The following TMPRSS11A variants were observed in gnomAD, a reference collection of about 807,000 sequenced individuals.
TMPRSS11A encodes transmembrane serine protease 11A.
TMPRSS11A carries 53 observed loss-of-function variants against 58.9 expected under a neutral mutation model. The observed-to-expected ratio is 0.90, with a 90% CI of 0.72 to 1.13. The LOEUF is 1.13. TMPRSS11A is among the 50% of genes most tolerant of loss of function. The pLI is 0.00. For missense variants in TMPRSS11A, 493 were observed against 499.3 expected (o/e 0.99, Z 0.12); for synonymous variants, 167 against 169.8 (o/e 0.98, Z 0.13).
At chr4:67,940,957 T>A (rs1301969065) in intron 3 of TMPRSS11A, among the ~76,000 whole-genome samples, 6 of 152,190 alleles carry the variant, frequency 3.9e-5, no homozygotes, top group Non-Finnish European at 7.3e-5. Flanking sequence ...TGTCAGTTTC[T>A]GCTGGATGCC....
intron 3 of TMPRSS11A, among the ~76,000 whole-genome samples, chr4:67,939,909 G>A (rs941491298): frequency 2.6e-5 from 4 of 152,014 alleles, no homozygotes. Flanking sequence ...GGTTGGTCTC[G>A]AACTTCTGAC....
chr4:67,940,885 T>C (rs7656947), intron 3 of TMPRSS11A, among the ~76,000 whole-genome samples: 1,779 of 152,332 alleles, frequency 0.012, 31 homozygotes, highest in African/African-American at 0.04. Context: ...TGAACATGTA[T>C]ACTTAGGCAG....
chr4:67,939,410 T>C (rs762373052), intron 3 of TMPRSS11A, among the ~76,000 whole-genome samples: 1 of 152,208 alleles, frequency 6.6e-6, no homozygotes, highest in Non-Finnish European at 1.5e-5. Context: ...TTTTCCTTCT[T>C]TCTCCTGCTC....
At chr4:67,914,934 C>A (rs925252555) in intron 8 of TMPRSS11A, among the ~76,000 whole-genome samples, 1 of 152,218 alleles carries the variant, frequency 6.6e-6, no homozygotes, top group East Asian at 1.9e-4. Context: ...TTTATAAAAA[C>A]TTCTCAAAGC....
chr4:67,928,029 G>T lies in TMPRSS11A; in HGVS notation c.481+1851C>A, dbSNP rs1720517539. 4.6e-5 allele frequency among the ~76,000 whole-genome samples: 7 copies of T among 152,230 alleles called. No homozygotes were observed. In the South Asian group the frequency reaches 1.5e-3, roughly 32 times the overall value. On this transcript the variant is annotated intron_variant, in intron 5 of 9. Coordinates refer to ENST00000508048, the MANE Select transcript of TMPRSS11A (RefSeq NM_001114387.2). The stretch of plus-strand genomic sequence containing the variant: ...TGGTGACTTAGTGGAGTTAGAATTG[G>T]TCAGGTAACTCTTTTATTTTTTATT...
intron 1 of TMPRSS11A, among the ~76,000 whole-genome samples, chr4:67,948,147 C>CTTTTTTTTTT (rs10577639): frequency 1.0e-5 from 1 of 98,300 alleles, no homozygotes; most frequent in African/African-American, 4.1e-5. Context: ...CAGTTTTTTT[C>CTTTTTTTTTT]TTTTTTTTTT....
intron 1 of TMPRSS11A, among the ~76,000 whole-genome samples, chr4:67,947,824 C>T (rs1188899991): frequency 6.6e-6 from 1 of 152,140 alleles, no homozygotes; most frequent in African/African-American, 2.4e-5. Flanking sequence ...ACCGCTAAGA[C>T]CCAATAAGGC....
Position 67,920,181 on chromosome 4 carries a change from A to C in TMPRSS11A, c.693-949T>G, listed in dbSNP as rs1720281014. On this transcript the variant is annotated intron_variant, in intron 7 of 9. Transcript: ENST00000508048. ...TTATGGTACATACAGGAATCGGAAA[A>C]ATCATTTAGTAGCAATGAAAGATCA... Among the ~76,000 whole-genome samples, 2 of 152,036 alleles carry C rather than the reference A, an allele frequency of 1.3e-5. 1 individual carries two copies. The highest frequency in any genetic ancestry group is 4.2e-4 in the South Asian group (2 of 4,818).
At chr4:67,943,231 C>T (rs184779) in intron 3 of TMPRSS11A, among the ~76,000 whole-genome samples, 114,537 of 152,076 alleles carry the variant, frequency 0.75, 43,499 homozygotes, top group East Asian at 0.83. Context: ...CATGCACCTC[C>T]GCATTTCTCT....
rs770374269 is a variant in TMPRSS11A at position 67,929,838 on chromosome 4, C to A, written c.481+42G>T. ...ATTTGAGATTCGTCAAAACATGGAC[C>A]TAATAGACAACTTCATATCACATAG... On this transcript the variant is annotated intron_variant, in intron 5 of 9. Coordinates refer to ENST00000508048, the MANE Select transcript of TMPRSS11A (RefSeq NM_001114387.2). 4 of 1,494,524 alleles carry A rather than the reference C, an allele frequency of 2.7e-6. No individual in the cohort carries two copies. In the African/African-American group the frequency reaches 5.6e-5, roughly 21 times the overall value. The allele number at this position is 1,494,524 out of a possible 1,614,324, so 92.6% of individuals were successfully genotyped here. A position where few individuals can be genotyped will look rare whatever the true frequency, so the allele number is the denominator to read the frequency against.
intron 4 of TMPRSS11A, among the ~76,000 whole-genome samples, chr4:67,930,910 T>G (rs2109748857): frequency 6.7e-6 from 1 of 148,706 alleles, no homozygotes; most frequent in South Asian, 2.1e-4. Context: ...CTGAGACAAT[T>G]TATGTATTTT....
intron 1 of TMPRSS11A, among the ~76,000 whole-genome samples, chr4:67,956,710 A>C (rs1426358393): frequency 6.6e-6 from 1 of 152,244 alleles, no homozygotes; most frequent in East Asian, 1.9e-4. Flanking sequence ...CCACTGTGGA[A>C]TCATATGCTT....
At chr4:67,950,557 A>C (rs1178783072) in intron 1 of TMPRSS11A, among the ~76,000 whole-genome samples, 2 of 152,212 alleles carry the variant, frequency 1.3e-5, no homozygotes, top group Non-Finnish European at 2.9e-5. Context: ...AGCAGCACCT[A>C]GATTAGAGTT....
Position 67,939,710 on chromosome 4 carries a change from A to G in TMPRSS11A, c.252+4809T>C, listed in dbSNP as rs143009995. On this transcript the variant is annotated intron_variant, in intron 3 of 9. Coordinates refer to ENST00000508048, the MANE Select transcript of TMPRSS11A (RefSeq NM_001114387.2). ...TTCTTAAATTTTTAATTTTTTTGAG[A>G]TGGATTTTTGCTCTGTCACCCAGGC... 5.8e-3 allele frequency among the ~76,000 whole-genome samples: 878 copies of G among 152,074 alleles called. 9 individuals carry two copies. The highest frequency in any genetic ancestry group is 9.9e-3 in the Non-Finnish European group (671 of 67,998).
At position 67,919,143 on chromosome 4, in the gene TMPRSS11A, T is replaced by C. The variant is rs374736688; in HGVS notation, c.782A>G (p.His261Arg). The C allele has an allele frequency of 8.9e-5, 143 of 1,614,098 alleles. 1 individual carries two copies. The Middle Eastern group carries it at 4.4e-3, about 50-fold the overall frequency. ...MKRNVRRFII[H>R]EKYRSAAREY... ...TCTTGCTGCAGAGCGGTACTTCTCA[T>C]GGATAATAAATCTTCTGACATTTCT... The change falls in exon 8 of 10, where the codon CAT (histidine) becomes CGT (arginine). Residue 261 changes from histidine to arginine, a missense_variant. Coordinates refer to ENST00000508048, the MANE Select transcript of TMPRSS11A (RefSeq NM_001114387.2).
chr4:67,916,474 C>T (rs1214628244), intron 8 of TMPRSS11A, among the ~76,000 whole-genome samples: 1 of 2,564 alleles, frequency 3.9e-4, no homozygotes, highest in Non-Finnish European at 7.7e-4. Flanking sequence ...ATATATTATA[C>T]ACACACACAC....
At chr4:67,919,948 T>C (rs1355686199) in intron 7 of TMPRSS11A, among the ~76,000 whole-genome samples, 2 of 152,152 alleles carry the variant, frequency 1.3e-5, no homozygotes, top group Non-Finnish European at 2.9e-5. Flanking sequence ...TGAAGTGATA[T>C]GGGAATCTAC....
chr4:67,939,621 A>T (rs1229966833), intron 3 of TMPRSS11A, among the ~76,000 whole-genome samples: 1 of 152,100 alleles, frequency 6.6e-6, no homozygotes, highest in African/African-American at 2.4e-5. Flanking sequence ...TTTATTATGA[A>T]GGGATGTTTA....
chr4:67,924,575 G>A (rs961419583), intron 5 of TMPRSS11A, among the ~76,000 whole-genome samples: 1 of 152,106 alleles, frequency 6.6e-6, no homozygotes, highest in African/African-American at 2.4e-5. Context: ...TCTGAGACTG[G>A]GTAATTTATA....
Sources: gnomAD v4.1 joint callset for allele counts (sites outside exome capture counted in the v4.1 genomes callset) on GRCh38, gnomAD v4.1.1 for gene constraint, MANE v1.5 for transcripts, NCBI Gene and HGNC (gene_info 2026-07-23, HGNC 2026-07-21) for gene names.